MAK16: variants seen among roughly 807,000 people sequenced by gnomAD.
The protein encoded by MAK16 is MAK16 homolog.
In MAK16, 12 loss-of-function variants were observed where a neutral mutation model predicts 49.9. The ratio of observed to expected loss-of-function variants is 0.24; its 90% confidence interval spans 0.15 to 0.39. The LOEUF (loss-of-function observed/expected upper bound fraction) is 0.39, where lower values mean the gene tolerates loss of function less well. Among genes scored for constraint, MAK16 ranks in the 10% least tolerant of loss-of-function variants. The probability of loss-of-function intolerance (pLI) is 1.00; values close to 1 mark genes in which losing one functional copy is unlikely to be tolerated. For synonymous variants in MAK16, 115 were observed against 126.4 expected, an observed-to-expected ratio of 0.91 and a Z score of 0.60; for missense variants, 292 against 363.7, an observed-to-expected ratio of 0.80 and a Z score of 1.60.
intron 7 of MAK16, 59 bp downstream of exon 7, chr8:33,495,675 CAT>C (rs1808845793): frequency 7.3e-6 from 3 of 410,946 alleles, no homozygotes; most frequent in Non-Finnish European, 1.3e-5. Context: ...GTTGCTAAGA[CAT>C]ATTGGGAATT....
chr8:33,498,271 CAAAAAA>C (rs35740010), intron 9 of MAK16, among the ~76,000 whole-genome samples, 155 bp from the exon 10 acceptor site: 1 of 85,782 alleles, frequency 1.2e-5, no homozygotes, highest in Non-Finnish European at 2.1e-5. Context: ...GACCCCGTCT[CAAAAAA>C]AAAAAAAAAA....
chr8:33,496,980 G>A lies in MAK16; in HGVS notation c.639+239G>A, dbSNP rs184235170. ...TTCCTGCAAGGTGACAAATTATAAA[G>A]CCTTTCCTGTCTATATGTAGTTTTT... is the stretch of plus-strand genomic sequence containing the variant. On this transcript the variant is annotated intron_variant, in intron 8 of 9. Transcript: ENST00000360128. Among the ~76,000 whole-genome samples the A allele has an allele frequency of 1.4e-4, 22 of 152,168 alleles. No homozygotes were observed. In the East Asian group the frequency reaches 4.2e-3, roughly 29 times the overall value.
In MAK16 at chr8:33,488,578, T is replaced by A. The variant is rs1332505839; in HGVS notation, c.124T>A (p.Ser42Thr). 6.2e-7 allele frequency: 1 copy of A among 1,614,176 alleles called. No homozygotes were observed. Among genetic ancestry groups the A allele is most frequent in the South Asian group, 1.1e-5 (1 of 91,086 alleles). The change falls in exon 3 of 10, where the codon TCA becomes ACA. Residue 42 changes from serine to threonine, a missense_variant. Ser to Thr is a moderately conservative substitution (Grantham distance 58, BLOSUM62 1). Transcript: ENST00000360128. ...TAGCCTGACTGGACTGTGTAATCGG[T>A]CATCCTGTCCCCTGGCAAATAGTCA... ...EYSLTGLCNR[S>T]SCPLANSQYA...
rs1213406638 is a variant in MAK16 at position 33,500,099 on chromosome 8, A to G, written c.*1470A>G. 4.0e-6 allele frequency: 2 copies of G among 496,674 alleles called. No homozygotes were observed. The highest frequency in any genetic ancestry group is 7.2e-6 in the Non-Finnish European group (2 of 276,724). The allele number at this position is 496,674 out of a possible 1,614,324, so 30.8% of individuals were successfully genotyped here. ...CTGTCTCGTCCTTAGCCCCAGTGACATGTGCTGATCCTCCTGCCTTTAGTT... is the reference window on the plus strand; with the variant it reads ...CTGTCTCGTCCTTAGCCCCAGTGACGTGTGCTGATCCTCCTGCCTTTAGTT... On this transcript the variant is annotated 3_prime_UTR_variant, in exon 10 of 10. Transcript: ENST00000360128.
rs1359119515 is a variant in MAK16 at position 33,498,689 on chromosome 8, TA to T, written c.*61del. Reference sequence around the variant, plus strand: ...TGCAGAACTGTTTTTTTTTTTTTTTTATCTTAAACACATACACACCTCCAGT... The same window carrying T: ...TGCAGAACTGTTTTTTTTTTTTTTTTTCTTAAACACATACACACCTCCAGT... On this transcript the variant is annotated 3_prime_UTR_variant, in exon 10 of 10. Transcript: ENST00000360128. The T allele has an allele frequency of 1.4e-6, 2 of 1,410,204 alleles. No individual in the cohort carries two copies. The highest frequency in any genetic ancestry group is 1.9e-6 in the Non-Finnish European group (2 of 1,026,150). 87.4% of individuals were successfully genotyped at this position (1,410,204 alleles called of 1,614,324 possible). A position where few individuals can be genotyped will look rare whatever the true frequency, so the allele number is the denominator to read the frequency against.
chr8:33,486,559 T>C (rs1262222106), intron 1 of MAK16, among the ~76,000 whole-genome samples: 1 of 152,128 alleles, frequency 6.6e-6, no homozygotes, highest in African/African-American at 2.4e-5. Flanking sequence ...CTAAAGTAAA[T>C]AAATTTTTTT....
At chr8:33,495,280 A>T (rs1380516267) in intron 6 of MAK16, among the ~76,000 whole-genome samples, 1 of 152,246 alleles carries the variant, frequency 6.6e-6, no homozygotes, top group Non-Finnish European at 1.5e-5. Flanking sequence ...CATGCTTTGT[A>T]TCTATCAAAG....
chr8:33,495,583 G>A lies in MAK16; in HGVS notation c.489G>A (p.Glu163=), dbSNP rs771502927. The change falls in exon 7 of 10, where the codon GAG becomes GAA. Residue 163 remains glutamate (E), a synonymous_variant. Transcript: ENST00000360128. ...LIAAQLDNAI[E]KELLERLKQD... is the part of the protein sequence containing the mutation. ...CTGCTCAGCTGGACAATGCCATTGAGAAGGAATTACTGGAGAGACTGAAAC... is the reference window on the plus strand; with the variant it reads ...CTGCTCAGCTGGACAATGCCATTGAAAAGGAATTACTGGAGAGACTGAAAC... 2 of 1,610,424 alleles carry A rather than the reference G, an allele frequency of 1.2e-6. No homozygotes were observed. The highest frequency in any genetic ancestry group is 1.7e-6 in the Non-Finnish European group (2 of 1,178,034).
intron 1 of MAK16, among the ~76,000 whole-genome samples, chr8:33,486,735 TA>T (rs1363736556): frequency 6.6e-6 from 1 of 152,222 alleles, no homozygotes; most frequent in East Asian, 1.9e-4. Context: ...AATACATAGT[TA>T]AATGGTGATT....
intron 6 of MAK16, among the ~76,000 whole-genome samples, chr8:33,494,657 T>C (rs896844741): frequency 1.3e-5 from 2 of 152,204 alleles, no homozygotes; most frequent in African/African-American, 2.4e-5. Flanking sequence ...AAAGTAGTAA[T>C]GATGTTAAAT....
chr8:33,497,103 GA>G (rs1808873050), intron 8 of MAK16, 128 bp from the exon 9 acceptor site: 1 of 662,140 alleles, frequency 1.5e-6, no homozygotes, highest in Non-Finnish European at 2.5e-6. Context: ...ATTAAATTTA[GA>G]AAGAACTAAA....
chr8:33,500,641 A>C lies in MAK16; in HGVS notation c.*2012A>C. On this transcript the variant is annotated 3_prime_UTR_variant, in exon 10 of 10. Transcript: ENST00000360128. Reference sequence around the variant, plus strand: ...TGAAAAAGACCTAAAAACAGAACCAAAGACAGCCTCTAGATTTCTTACCCT... The same window carrying C: ...TGAAAAAGACCTAAAAACAGAACCACAGACAGCCTCTAGATTTCTTACCCT... 3 of 927,152 alleles carry C rather than the reference A, an allele frequency of 3.2e-6. No homozygotes were observed. Among genetic ancestry groups the C allele is most frequent in the Non-Finnish European group, 3.2e-6 (2 of 633,434 alleles). The allele number at this position is 927,152 out of a possible 1,614,324, so 57.4% of individuals were successfully genotyped here.
intron 1 of MAK16, among the ~76,000 whole-genome samples, chr8:33,487,189 T>C (rs1808701617): frequency 6.6e-6 from 1 of 152,188 alleles, no homozygotes; most frequent in Non-Finnish European, 1.5e-5. Context: ...TTTACATATC[T>C]TTCCCCTAAC....
At chr8:33,493,710 C>T (rs1049499907) in intron 6 of MAK16, among the ~76,000 whole-genome samples, 2 of 151,742 alleles carry the variant, frequency 1.3e-5, no homozygotes, top group Non-Finnish European at 2.9e-5. Context: ...TTCCTACAAA[C>T]CTTTCAGAAG....
intron 1 of MAK16, 119 bp downstream of exon 1, chr8:33,485,340 G>A: frequency 7.3e-7 from 1 of 1,374,808 alleles, no homozygotes; most frequent in East Asian, 2.3e-5. Context: ...CTGGATGTGA[G>A]GCTTCCGGAA....
rs145220443 is a variant in MAK16 at position 33,498,518 on chromosome 8, G to A, written c.792G>A (p.Ala264=). The A allele has an allele frequency of 9.3e-6, 15 of 1,613,956 alleles. No homozygotes were observed. The highest frequency in any genetic ancestry group is 1.6e-4 in the Middle Eastern group (1 of 6,062). The change falls in exon 10 of 10, where the codon GCG becomes GCA. Residue 264 remains alanine, a synonymous_variant. Coordinates refer to ENST00000360128, the MANE Select transcript of MAK16 (RefSeq NM_032509.4). ...SEEEEEKALS[A]KHKGKMPLRG... ...AGGAGGAAGAAAAGGCCCTTAGTGC[G>A]AAACACAAAGGCAAAATGCCCTTGA...
At chr8:33,487,914 C>T (rs1808712948) in intron 1 of MAK16, among the ~76,000 whole-genome samples, 1 of 151,914 alleles carries the variant, frequency 6.6e-6, no homozygotes, top group South Asian at 2.1e-4. Context: ...TAAGAATCTG[C>T]TGGGCTTTTT....
intron 6 of MAK16, among the ~76,000 whole-genome samples, chr8:33,493,901 C>T (rs1011512647): frequency 9.2e-5 from 14 of 151,526 alleles, no homozygotes; most frequent in African/African-American, 3.2e-4. Flanking sequence ...TTTCTTTTCA[C>T]AACCTTCACA....
At position 33,489,602 on chromosome 8, in the gene MAK16, A is replaced by AT. The variant is rs1228749121; in HGVS notation, c.392+465dup. Among the ~76,000 whole-genome samples, 1 of 152,026 alleles carries AT rather than the reference A, an allele frequency of 6.6e-6. No homozygotes were observed. Among genetic ancestry groups the AT allele is most frequent in the East Asian group, 1.9e-4 (1 of 5,164 alleles). Reference sequence around the variant, plus strand: ...ACCATGTTGGCCAGGCTGGTCTAGAATTCCTGACCTCAAGCGATCCGCCTT... The same window carrying AT: ...ACCATGTTGGCCAGGCTGGTCTAGAATTTCCTGACCTCAAGCGATCCGCCTT... On this transcript the variant is annotated intron_variant, in intron 5 of 9. Coordinates refer to ENST00000360128, the MANE Select transcript of MAK16 (RefSeq NM_032509.4). This position sits in a 1 kb window ranked among gnomAD's most constrained non-coding sequence, Gnocchi z 4.2.
Sources: allele counts gnomAD v4.1 joint callset (sites outside exome capture counted in the v4.1 genomes callset), GRCh38; gene constraint gnomAD v4.1.1; non-coding constraint Gnocchi (gnomAD v3.1); transcripts MANE v1.5; gene names NCBI Gene and HGNC (gene_info 2026-07-23, HGNC 2026-07-21).